LRRC56: variants seen among roughly 807,000 people sequenced by gnomAD.
LRRC56 encodes the protein leucine-rich repeat-containing protein 56.
A neutral mutation model predicts 47.8 loss-of-function variants in LRRC56; 41 were observed. The observed-to-expected ratio is 0.86, with a 90% CI of 0.67 to 1.11. The LOEUF is 1.11. LRRC56 is among the 50% of genes most tolerant of loss of function. The probability of loss-of-function intolerance (pLI) is 0.00; values close to 1 mark genes in which losing one functional copy is unlikely to be tolerated. For synonymous variants in LRRC56, 387 were observed against 311.2 expected (o/e 1.24, Z -2.56); for missense variants, 759 against 704.2 (o/e 1.08, Z -0.88).
At chr11:537,355 C>G (rs1412670607), upstream of LRRC56, 1 of 152,236 alleles carries the variant, frequency 6.6e-6, no homozygotes, top group East Asian at 1.9e-4. Context: ...GGCGCCCACG[C>G]ACGTGCCAGT....
Position 554,099 on chromosome 11 carries a change from C to T in LRRC56, c.1452C>T (p.Ser484=), listed in dbSNP as rs1195270282. 8 of 1,606,854 alleles carry T rather than the reference C, an allele frequency of 5.0e-6. No homozygotes were observed. The highest frequency in any genetic ancestry group is 6.8e-6 in the Non-Finnish European group (8 of 1,178,352). The change falls in exon 14 of 14, where the codon AGC becomes AGT. Residue 484 remains serine, a synonymous_variant. Transcript: ENST00000270115. ...GGCGTCGGCTCCGAGTCCTGGGCAG[C>T]TGGGGGCCTGGCCTGGGTGATGGGG... ...SRGRRLRVLG[S]WGPGLGDGVA...
At position 552,330 on chromosome 11, in the gene LRRC56, C is replaced by T. The variant is rs1004571597; in HGVS notation, c.1181+98C>T. ...CTGAGTCATCCCCAGTCCCAAGGCT[C>T]GTGGACCATCCCTGCATGTCCTGTC... On this transcript the variant is annotated intron_variant, in intron 12 of 13. Transcript: ENST00000270115. The T allele has an allele frequency of 3.5e-5, 52 of 1,483,014 alleles. No homozygotes were observed. The Middle Eastern group carries it at 6.6e-4, about 19-fold the overall frequency. 91.9% of individuals were successfully genotyped at this position (1,483,014 alleles called of 1,614,324 possible).
chr11:518,315 GGGA>G, the LRRC56 span, among the ~76,000 whole-genome samples: 4 of 151,892 alleles, frequency 2.6e-5, no homozygotes, highest in African/African-American at 9.7e-5. Flanking sequence ...AGGAGTAGCT[GGGA>G]CTACAGGTGC....
chr11:552,822 T>C (rs1335531126), intron 13 of LRRC56, 120 bp downstream of exon 13: 2 of 868,762 alleles, frequency 2.3e-6, no homozygotes, highest in Non-Finnish European at 3.5e-6. Flanking sequence ...AGCCATGCTC[T>C]GAGAGGGACT....
At chr11:534,967 G>C (rs1048105213), upstream of LRRC56, among the ~76,000 whole-genome samples, 2 of 152,236 alleles carry the variant, frequency 1.3e-5, no homozygotes, top group Non-Finnish European at 2.9e-5. Flanking sequence ...CTGAGCGACA[G>C]GAAGGGGCCG....
the LRRC56 span, among the ~76,000 whole-genome samples, chr11:515,165 G>T: frequency 6.6e-6 from 1 of 152,146 alleles, no homozygotes; most frequent in African/African-American, 2.4e-5. Flanking sequence ...GGAGGGTCAG[G>T]TCTGTCGGCT....
In LRRC56 at chr11:552,152, C is replaced by G; in HGVS notation, c.1101C>G (p.Ser367=). ...HRPGDPAAST[S]TPEPDPADSS... is the part of the protein sequence containing the mutation. ...CAGGAGATCCGGCCGCCAGCACTTC[C>G]ACCCCAGAGCCTGACCCTGCAGACA... Residue 367 remains serine (S), a synonymous_variant, in exon 12 of 14, where the codon TCC becomes TCG. Transcript: ENST00000270115. 3 of 1,612,712 alleles carry G rather than the reference C, an allele frequency of 1.9e-6. No individual in the cohort carries two copies. Among genetic ancestry groups the G allele is most frequent in the Non-Finnish European group, 2.5e-6 (3 of 1,179,906 alleles).
rs1852414320 is a variant in LRRC56, at chr11:551,892, G to A, written c.974-11G>A. 1.2e-6 allele frequency: 2 copies of A among 1,612,516 alleles called. No individual in the cohort carries two copies. Among genetic ancestry groups the A allele is most frequent in the Non-Finnish European group, 8.5e-7 (1 of 1,179,824 alleles). On this transcript the variant is annotated splice_polypyrimidine_tract_variant and intron_variant, in intron 10 of 13. Coordinates refer to ENST00000270115, the MANE Select transcript of LRRC56 (RefSeq NM_198075.4). ...GCCCCGAACCAGGCCCAGCCATGCTGTCTCTTGCAGGTGCTGGCCAAGTCC... is the reference window on the plus strand; with the variant it reads ...GCCCCGAACCAGGCCCAGCCATGCTATCTCTTGCAGGTGCTGGCCAAGTCC...
chr11:550,890 G>T (rs955193379), intron 8 of LRRC56, among the ~76,000 whole-genome samples: 2 of 152,192 alleles, frequency 1.3e-5, no homozygotes, highest in Non-Finnish European at 1.5e-5. Context: ...GGGCATCCCT[G>T]GACCCGGCCT....
At chr11:506,776 T>C in the LRRC56 span, 1 of 152,298 alleles carries the variant, frequency 6.6e-6, no homozygotes, top group East Asian at 1.9e-4. Context: ...TCTAAGGCAC[T>C]AGAGGGCTTG....
chr11:509,859 C>T, the LRRC56 span, among the ~76,000 whole-genome samples: 4 of 151,820 alleles, frequency 2.6e-5, no homozygotes, highest in South Asian at 4.2e-4. Flanking sequence ...TTGAACTTAC[C>T]TGCCTCACCT....
At chr11:553,914 C>A in intron 13 of LRRC56, 49 bp from the exon 14 acceptor site, 1 of 1,566,848 alleles carries the variant, frequency 6.4e-7, no homozygotes, top group Non-Finnish European at 8.7e-7. Context: ...CGGGTGACTC[C>A]CTTCCCTGAC....
At chr11:537,455 A>G (rs1165786433), upstream of LRRC56, 1 of 152,252 alleles carries the variant, frequency 6.6e-6, no homozygotes, top group East Asian at 1.9e-4. Context: ...ATATTTGCGT[A>G]TTCAAATGAG....
chr11:540,930 G>T (rs1200711967), intron 4 of LRRC56, 69 bp downstream of exon 4: 1 of 1,297,332 alleles, frequency 7.7e-7, no homozygotes. Context: ...GCTCCTTCCT[G>T]CTGATGGTCC....
the LRRC56 span, among the ~76,000 whole-genome samples, chr11:525,305 C>A: frequency 6.6e-6 from 1 of 151,422 alleles, no homozygotes; most frequent in Non-Finnish European, 1.5e-5. Flanking sequence ...TTTGGGAGGC[C>A]AAGGCGGGCG....
chr11:553,533 A>AG, intron 13 of LRRC56, among the ~76,000 whole-genome samples: 1 of 152,208 alleles, frequency 6.6e-6, no homozygotes, highest in African/African-American at 2.4e-5. Context: ...CAGTGGCCTC[A>AG]GGGCAGGGTC....
the LRRC56 span, among the ~76,000 whole-genome samples, chr11:515,447 G>A: frequency 1.2e-4 from 18 of 149,088 alleles, no homozygotes; most frequent in Admixed American, 1.2e-3. Flanking sequence ...CATGCTTTTA[G>A]TGTTTAAGAA....
the LRRC56 span, among the ~76,000 whole-genome samples, chr11:518,432 C>T: frequency 1.3e-5 from 2 of 152,156 alleles, no homozygotes; most frequent in African/African-American, 2.4e-5. Flanking sequence ...CCACCCGCCT[C>T]GGCCTCGCAA....
rs774999536 is a variant in LRRC56, at chr11:551,108, TC to T, written c.625-18del. On this transcript the variant is annotated intron_variant, in intron 8 of 13. Transcript: ENST00000270115. Reference sequence around the variant, plus strand: ...ACACTGGACCCAGACCTGCCCTCCCTCCCCCTCCCCCTCCCCCTGCAGGTGC... The same window carrying T: ...ACACTGGACCCAGACCTGCCCTCCCTCCCCTCCCCCTCCCCCTGCAGGTGC... 3.2e-5 allele frequency: 18 copies of T among 556,244 alleles called. 1 individual carries two copies. The Admixed American group carries it at 4.1e-4, about 13-fold the overall frequency. 34.5% of individuals were successfully genotyped at this position (556,244 alleles called of 1,614,324 possible).
Sources: gnomAD v4.1 joint callset for allele counts (sites outside exome capture counted in the v4.1 genomes callset) on GRCh38, gnomAD v4.1.1 for gene constraint, MANE v1.5 for transcripts, NCBI Gene and HGNC (gene_info 2026-07-23, HGNC 2026-07-21) for gene names.